Variants in PACRG observed in about 807,000 individuals in gnomAD.
The protein encoded by PACRG is parkin coregulated, also known as parkin coregulated gene protein.
In PACRG, 29 loss-of-function variants were observed where a neutral mutation model predicts 29.7. That is an observed-to-expected ratio of 0.98 (90% CI 0.73 to 1.33). The LOEUF is 1.33. PACRG is among the 40% of genes most tolerant of loss of function. The pLI is 0.00. For missense variants in PACRG, 279 were observed against 316.2 expected (o/e 0.88, Z 0.89); for synonymous variants, 116 against 118.7 (o/e 0.98, Z 0.15).
chr6:163,176,976 G>T (rs553839351), intron 4 of PACRG, among the ~76,000 whole-genome samples: 1 of 152,264 alleles, frequency 6.6e-6, no homozygotes, highest in African/African-American at 2.4e-5. Flanking sequence ...CTGTTTGGAG[G>T]GGAGTGACAG....
chr6:162,765,549 T>G (rs1251395529), intron 1 of PACRG, among the ~76,000 whole-genome samples: 1 of 152,194 alleles, frequency 6.6e-6, no homozygotes, highest in Non-Finnish European at 1.5e-5. Context: ...GTCAGAGCTT[T>G]CTTGATTTTA....
At chr6:163,273,705 AT>A (rs540967914) in intron 4 of PACRG, among the ~76,000 whole-genome samples, 7 of 151,214 alleles carry the variant, frequency 4.6e-5, no homozygotes, top group South Asian at 2.1e-4. Context: ...CAAGTTCTCC[AT>A]TTTTTTTCTT....
chr6:163,294,789 A>C (rs1405093888), intron 4 of PACRG, among the ~76,000 whole-genome samples: 1 of 151,540 alleles, frequency 6.6e-6, no homozygotes, highest in Non-Finnish European at 1.5e-5. Flanking sequence ...AACAGTTTTC[A>C]TCTGAATAAT....
intron 4 of PACRG, among the ~76,000 whole-genome samples, chr6:163,177,281 C>A (rs767821043): frequency 1.3e-5 from 2 of 152,078 alleles, no homozygotes; most frequent in Non-Finnish European, 2.9e-5. Context: ...GTACAATTAC[C>A]AAAGATCTTC....
chr6:163,103,992 A>G (rs932661267), intron 4 of PACRG, among the ~76,000 whole-genome samples: 5 of 152,198 alleles, frequency 3.3e-5, no homozygotes, highest in African/African-American at 1.2e-4. Context: ...ATTGCCAGAA[A>G]TAGCATTTCT....
intron 4 of PACRG, among the ~76,000 whole-genome samples, chr6:163,134,432 C>T (rs565225136): frequency 2.7e-4 from 41 of 152,262 alleles, no homozygotes; most frequent in African/African-American, 7.7e-4. Flanking sequence ...ACTTAAGCCA[C>T]GCATAGAGCC....
rs545089035 is a variant in PACRG at position 163,206,352 on chromosome 6, A to G, written c.614-108475A>G. Among the ~76,000 whole-genome samples, 6 of 152,342 alleles carry G rather than the reference A, an allele frequency of 3.9e-5. No homozygotes were observed. The East Asian group carries it at 7.7e-4, about 20-fold the overall frequency. ...GTAGACTGGATAAAAAATGTAGTAC[A>G]TACATACCATGGAATACTATGCAGC... is the stretch of plus-strand genomic sequence containing the variant. On this transcript the variant is annotated intron_variant, in intron 4 of 4. Transcript: ENST00000366888.
intron 4 of PACRG, among the ~76,000 whole-genome samples, chr6:163,232,262 T>C (rs6455877): frequency 0.72 from 108,848 of 152,010 alleles, 39,911 homozygotes; most frequent in African/African-American, 0.88. Flanking sequence ...TAGAGAAGAG[T>C]TCACCTGCAC....
intron 4 of PACRG, among the ~76,000 whole-genome samples, chr6:163,115,872 G>A (rs1585233657): frequency 6.6e-6 from 1 of 152,270 alleles, no homozygotes; most frequent in East Asian, 1.9e-4. Flanking sequence ...ATTACGTCAT[G>A]GCCCTCCAGT....
chr6:163,181,621 AAAAAAAAAAAT>A (rs1779670692), intron 4 of PACRG, among the ~76,000 whole-genome samples: 1 of 151,776 alleles, frequency 6.6e-6, no homozygotes, highest in Non-Finnish European at 1.5e-5. Context: ...AAAAAAAAAA[AAAAAAAAAAAT>A]ACAGACACAT....
At chr6:162,925,730 T>C (rs1797385496) in intron 2 of PACRG, among the ~76,000 whole-genome samples, 1 of 152,154 alleles carries the variant, frequency 6.6e-6, no homozygotes, top group East Asian at 1.9e-4. Flanking sequence ...CTGGAAGCAT[T>C]CCCTTTGAAA....
At chr6:162,757,612 G>A (rs189207026) in intron 1 of PACRG, among the ~76,000 whole-genome samples, 149 of 152,230 alleles carry the variant, frequency 9.8e-4, no homozygotes, top group Middle Eastern at 3.4e-3. Flanking sequence ...GGAGGCTGAG[G>A]CAGGAGAATC....
At chr6:162,898,640 C>T (rs529997022) in intron 2 of PACRG, among the ~76,000 whole-genome samples, 1 of 152,224 alleles carries the variant, frequency 6.6e-6, no homozygotes, top group South Asian at 2.1e-4. Context: ...TTTTCATCTG[C>T]AAGTGAGGAT....
At chr6:163,025,086 CA>C (rs1216750380) in intron 2 of PACRG, among the ~76,000 whole-genome samples, 7 of 152,266 alleles carry the variant, frequency 4.6e-5, no homozygotes, top group Non-Finnish European at 1.0e-4. Context: ...GAACATTGCT[CA>C]AAATAATAAG....
chr6:163,258,574 G>A (rs939575267), intron 4 of PACRG, among the ~76,000 whole-genome samples: 17 of 151,894 alleles, frequency 1.1e-4, no homozygotes, highest in Admixed American at 6.6e-4. Context: ...TGGCTAACAC[G>A]GTGAAACCCT....
At chr6:163,149,173 C>T (rs1562939716) in intron 4 of PACRG, among the ~76,000 whole-genome samples, 1 of 152,104 alleles carries the variant, frequency 6.6e-6, no homozygotes, top group Non-Finnish European at 1.5e-5. Context: ...GCTGTCACCT[C>T]CCCTTCTGCA....
chr6:162,845,419 C>T (rs1427193846), intron 2 of PACRG, among the ~76,000 whole-genome samples: 2 of 149,478 alleles, frequency 1.3e-5, no homozygotes, highest in Non-Finnish European at 3.0e-5. Context: ...GAAGGATTTT[C>T]ATACCTTTTG....
intron 1 of PACRG, among the ~76,000 whole-genome samples, chr6:162,740,868 G>T (rs1780538312): frequency 6.6e-6 from 1 of 152,058 alleles, no homozygotes; most frequent in Non-Finnish European, 1.5e-5. Flanking sequence ...CAAAGTTCTG[G>T]GATTACATGC....
intron 4 of PACRG, among the ~76,000 whole-genome samples, chr6:163,290,278 GCACACACACACACACACACACA>G (rs3064946): frequency 8.7e-5 from 10 of 114,496 alleles, no homozygotes; most frequent in African/African-American, 1.2e-4. Context: ...GCGCGCGCGC[GCACACACACACACACACACACA>G]CACACACACA....
Sources: gnomAD v4.1 joint callset for allele counts (sites outside exome capture counted in the v4.1 genomes callset) on GRCh38, gnomAD v4.1.1 for gene constraint, MANE v1.5 for transcripts, NCBI Gene and HGNC (gene_info 2026-07-23, HGNC 2026-07-21) for gene names.